Variants in RERE observed in about 807,000 individuals in gnomAD.
RERE encodes arginine-glutamic acid dipeptide repeats protein.
A neutral mutation model predicts 146.1 loss-of-function variants in RERE; 40 were observed. The observed-to-expected ratio is 0.27, with a 90% CI of 0.21 to 0.36. The LOEUF (loss-of-function observed/expected upper bound fraction) is 0.36, where lower values mean the gene tolerates loss of function less well. RERE is among the 10% of genes least tolerant of loss of function. RERE has a pLI of 1.00. For synonymous variants in RERE, 1,003 were observed against 866.0 expected (o/e 1.16, Z -2.78); for missense variants, 1,933 against 2,138.7 (o/e 0.90, Z 1.90).
In RERE at chr1:8,736,028, C is replaced by G. The variant is rs571588751; in HGVS notation, c.-144-79587G>C. ...TAATATAAAATCCTAAAGCAAAATC[C>G]TTATACACAAAGAAATGGATAGAGG... On this transcript the variant is annotated intron_variant, in intron 1 of 22. Coordinates refer to ENST00000400908, the MANE Select transcript of RERE (RefSeq NM_001042681.2). Among the ~76,000 whole-genome samples, 10 of 152,206 alleles carry G rather than the reference C, an allele frequency of 6.6e-5. No homozygotes were observed. The South Asian group carries it at 2.1e-3, about 32-fold the overall frequency.
At chr1:8,431,891 C>T (rs1292999502) in intron 11 of RERE, among the ~76,000 whole-genome samples, 2 of 152,116 alleles carry the variant, frequency 1.3e-5, no homozygotes, top group South Asian at 2.1e-4. Context: ...AAGTGCCTGG[C>T]GTGCTCTCTG....
intron 1 of RERE, among the ~76,000 whole-genome samples, chr1:8,789,047 C>G (rs1243799270): frequency 6.6e-6 from 1 of 151,270 alleles, no homozygotes; most frequent in Non-Finnish European, 1.5e-5. Flanking sequence ...GGGTGAGAGG[C>G]AAGAGAAGAC....
At chr1:8,673,832 C>G (rs1638775860) in intron 1 of RERE, among the ~76,000 whole-genome samples, 1 of 152,000 alleles carries the variant, frequency 6.6e-6, no homozygotes, top group Non-Finnish European at 1.5e-5. Flanking sequence ...CACTCGAGCC[C>G]AGGAGTTTGA....
intron 1 of RERE, among the ~76,000 whole-genome samples, chr1:8,706,113 CAAAAAA>C (rs61016240): frequency 0.018 from 1,272 of 69,220 alleles, 22 homozygotes; most frequent in African/African-American, 0.07. Context: ...ACTCCGTCTC[CAAAAAA>C]AAAAAAAAAA....
intron 8 of RERE, among the ~76,000 whole-genome samples, chr1:8,502,958 C>T (rs988417935): frequency 2.7e-5 from 4 of 150,698 alleles, no homozygotes; most frequent in South Asian, 2.1e-4. Flanking sequence ...TTCGGAAGGC[C>T]GCAGGGTCCT....
chr1:8,367,012 T>G (rs1240437435), intron 12 of RERE, among the ~76,000 whole-genome samples: 1 of 150,704 alleles, frequency 6.6e-6, no homozygotes, highest in Non-Finnish European at 1.5e-5. Context: ...ATCAACACTG[T>G]AGAAAGTCTA....
chr1:8,395,571 T>C (rs57510613), intron 12 of RERE, among the ~76,000 whole-genome samples: 3,137 of 152,002 alleles, frequency 0.021, 121 homozygotes, highest in African/African-American at 0.073. Flanking sequence ...CTGGAGACAT[T>C]TGAAGCTGGA....
chr1:8,565,277 T>C (rs538602411), intron 4 of RERE, among the ~76,000 whole-genome samples: 98 of 152,354 alleles, frequency 6.4e-4, no homozygotes, highest in Non-Finnish European at 8.8e-4. Flanking sequence ...ATTGTATTAA[T>C]GAATCATACA....
intron 1 of RERE, among the ~76,000 whole-genome samples, chr1:8,743,899 T>C (rs1007383445): frequency 1.3e-5 from 2 of 152,170 alleles, no homozygotes; most frequent in Non-Finnish European, 2.9e-5. Flanking sequence ...TCTTTACTTA[T>C]TTGTATATTA....
chr1:8,774,958 T>G (rs75086563), intron 1 of RERE, among the ~76,000 whole-genome samples: 1 of 128,242 alleles, frequency 7.8e-6, no homozygotes, highest in Non-Finnish European at 1.6e-5. Flanking sequence ...TTTCTTTTTT[T>G]TTTTTTTTTT....
chr1:8,389,229 T>C (rs922960747), intron 12 of RERE, among the ~76,000 whole-genome samples: 2 of 152,184 alleles, frequency 1.3e-5, no homozygotes, highest in Non-Finnish European at 2.9e-5. Context: ...TCTCCAAATA[T>C]AATCTACAGC....
At chr1:8,501,943 AT>A (rs1645169230) in intron 8 of RERE, among the ~76,000 whole-genome samples, 1 of 2,428 alleles carries the variant, frequency 4.1e-4, no homozygotes, top group Non-Finnish European at 8.4e-4. Context: ...GGTGGGGGGG[AT>A]CAGCCCCCCG....
At chr1:8,561,251 T>C (rs1288446014) in intron 4 of RERE, among the ~76,000 whole-genome samples, 1 of 152,224 alleles carries the variant, frequency 6.6e-6, no homozygotes, top group Non-Finnish European at 1.5e-5. Context: ...AGTGGCAGCA[T>C]TGTGCTGAAA....
At chr1:8,736,361 C>T (rs1230752447) in intron 1 of RERE, among the ~76,000 whole-genome samples, 1 of 152,138 alleles carries the variant, frequency 6.6e-6, no homozygotes, top group African/African-American at 2.4e-5. Context: ...CGCCCGCCAC[C>T]ACGCCTGGCT....
chr1:8,675,227 T>C (rs1408031031), intron 1 of RERE, among the ~76,000 whole-genome samples: 1 of 152,204 alleles, frequency 6.6e-6, no homozygotes, highest in East Asian at 1.9e-4. Flanking sequence ...CAGTGTTTTT[T>C]TAAATCAGCT....
chr1:8,791,806 T>C (rs1476138943), intron 1 of RERE, among the ~76,000 whole-genome samples: 1 of 151,724 alleles, frequency 6.6e-6, no homozygotes, highest in African/African-American at 2.4e-5. Flanking sequence ...GTTTCAAACC[T>C]ATAACTCTTT....
rs1215649115 is a variant in RERE at position 8,360,459 on chromosome 1, G to C, written c.3048C>G (p.Pro1016=). The change falls in exon 18 of 23, where the codon CCC becomes CCG. Residue 1016 remains proline (P), a synonymous_variant. Coordinates refer to ENST00000400908, the MANE Select transcript of RERE (RefSeq NM_001042681.2). ...GLTQSQNLPP[P]PASHPPTGLH... is the part of the protein sequence containing the mutation. ...GGCCTGTAGGGGGGTGGGAGGCAGG[G>C]GGCGGGGGCAGGTTCTGGCTCTGGG... 3.9e-6 allele frequency: 4 copies of C among 1,014,762 alleles called. No individual in the cohort carries two copies. Among genetic ancestry groups the C allele is most frequent in the Admixed American group, 3.5e-5 (1 of 28,420 alleles). The allele number at this position is 1,014,762 out of a possible 1,614,324, so 62.9% of individuals were successfully genotyped here.
intron 4 of RERE, among the ~76,000 whole-genome samples, chr1:8,606,025 A>G (rs1251955051): frequency 6.6e-6 from 1 of 151,942 alleles, no homozygotes; most frequent in Non-Finnish European, 1.5e-5. Flanking sequence ...TTTGTTGCCC[A>G]GGCTGGTCTC....
intron 6 of RERE, among the ~76,000 whole-genome samples, chr1:8,548,857 T>C (rs992608935): frequency 6.6e-6 from 1 of 151,734 alleles, no homozygotes; most frequent in African/African-American, 2.4e-5. Flanking sequence ...TGGGGGTGGG[T>C]GCCTGTAATC....
Sources: allele counts gnomAD v4.1 joint callset (sites outside exome capture counted in the v4.1 genomes callset), GRCh38; gene constraint gnomAD v4.1.1; transcripts MANE v1.5; gene names NCBI Gene and HGNC (gene_info 2026-07-23, HGNC 2026-07-21).